WDR17: variants seen among roughly 807,000 people sequenced by gnomAD.
WDR17 encodes the protein WD repeat-containing protein 17.
Under a neutral mutation model 161.7 loss-of-function variants are expected in WDR17, and 143 were observed. The ratio of observed to expected loss-of-function variants is 0.88; its 90% CI spans 0.77 to 1.02. The LOEUF (loss-of-function observed/expected upper bound fraction) is 1.02. WDR17 is among the 50% of genes least tolerant of loss of function. The probability of loss-of-function intolerance (pLI) is 0.00; values close to 1 mark genes in which losing one functional copy is unlikely to be tolerated. For synonymous variants in WDR17, 517 were observed against 515.6 expected (o/e 1.00, Z -0.04); for missense variants, 1,469 against 1,520.9 (o/e 0.97, Z 0.57).
chr4:176,066,404 G>A (rs1732533461), intron 1 of WDR17, among the ~76,000 whole-genome samples: 1 of 152,176 alleles, frequency 6.6e-6, no homozygotes, highest in Admixed American at 6.5e-5. Flanking sequence ...TAGAGCCTAG[G>A]TTGCTGTTCT....
chr4:176,114,744 G>A (rs1190071837), intron 2 of WDR17, among the ~76,000 whole-genome samples: 2 of 151,810 alleles, frequency 1.3e-5, no homozygotes, highest in Non-Finnish European at 2.9e-5. Flanking sequence ...CATGGGATAG[G>A]TTCTGGGGCG....
chr4:176,082,276 G>A (rs1734845949), intron 1 of WDR17, among the ~76,000 whole-genome samples: 1 of 151,964 alleles, frequency 6.6e-6, no homozygotes, highest in African/African-American at 2.4e-5. Context: ...TCTGCTTGTT[G>A]TATTACTATA....
intron 1 of WDR17, among the ~76,000 whole-genome samples, chr4:176,097,235 T>G (rs138576833): frequency 7.9e-5 from 12 of 152,146 alleles, no homozygotes; most frequent in Non-Finnish European, 1.5e-4. Flanking sequence ...CTTTTTAAAT[T>G]TCTTGATTAT....
intron 1 of WDR17, among the ~76,000 whole-genome samples, chr4:176,079,510 T>A (rs2126585600): frequency 6.6e-6 from 1 of 152,244 alleles, no homozygotes; most frequent in East Asian, 1.9e-4. Flanking sequence ...AATTTACACA[T>A]AGTCTTTACT....
chr4:176,102,420 T>C (rs140827253), intron 1 of WDR17, among the ~76,000 whole-genome samples: 1 of 152,344 alleles, frequency 6.6e-6, no homozygotes, highest in Non-Finnish European at 1.5e-5. Flanking sequence ...ACAGATCTTA[T>C]GGAAGACAGT....
At chr4:176,161,023 G>A (rs766629488) in intron 20 of WDR17, 21 bp downstream of exon 20, 3 of 1,580,760 alleles carry the variant, frequency 1.9e-6, no homozygotes, top group South Asian at 2.4e-5. Context: ...TATTTGCTCT[G>A]GGTCCATATG....
intron 7 of WDR17, among the ~76,000 whole-genome samples, chr4:176,133,169 CA>C (rs1743761335): frequency 3.3e-5 from 4 of 120,496 alleles, no homozygotes; most frequent in African/African-American, 1.3e-4. Flanking sequence ...AAAAAAAAAA[CA>C]ATTTTTTATT....
chr4:176,153,433 A>G (rs1747557833), intron 17 of WDR17, among the ~76,000 whole-genome samples: 2 of 152,212 alleles, frequency 1.3e-5, no homozygotes, highest in Non-Finnish European at 2.9e-5. Context: ...GTAGATGGGT[A>G]GTGACTGCAA....
intron 6 of WDR17, among the ~76,000 whole-genome samples, chr4:176,130,303 A>AT (rs33958250): frequency 0.25 from 38,748 of 151,998 alleles, 5,071 homozygotes; most frequent in African/African-American, 0.3. Context: ...TATCAACGAA[A>AT]TTTAGTGAAC....
chr4:176,117,753 T>C (rs1046366379), intron 3 of WDR17, among the ~76,000 whole-genome samples: 7 of 152,164 alleles, frequency 4.6e-5, no homozygotes, highest in Non-Finnish European at 1.0e-4. Flanking sequence ...TTCCTTTCTT[T>C]GAAAATTTTC....
chr4:176,118,596 T>A (rs989574222), intron 3 of WDR17, among the ~76,000 whole-genome samples: 2 of 152,164 alleles, frequency 1.3e-5, no homozygotes, highest in Non-Finnish European at 2.9e-5. Flanking sequence ...CCACTCTGTG[T>A]CTTTGTTCAT....
At chr4:176,165,168 C>CAAA (rs199827209) in intron 22 of WDR17, among the ~76,000 whole-genome samples, 2 of 116,724 alleles carry the variant, frequency 1.7e-5, no homozygotes, top group East Asian at 2.4e-4. Flanking sequence ...CTCTAAAATA[C>CAAA]AAAAAAAAAA....
chr4:176,148,287 G>A lies in WDR17; in HGVS notation c.1849G>A (p.Glu617Lys). Residue 617 changes from glutamate (E) to lysine (K), a missense_variant, in exon 13 of 29, where the codon GAA (glutamate) becomes AAA (lysine). Transcript: ENST00000508596. ...DYTIKVWDTR[E>K]GTCVDTVYDH... Reference sequence around the variant, plus strand: ...TACTATAAAAGTATGGGACACTCGAGAAGGAACTTGTGTGGATACTGTGTA... The same window carrying A: ...TACTATAAAAGTATGGGACACTCGAAAAGGAACTTGTGTGGATACTGTGTA... The A allele has an allele frequency of 6.2e-7, 1 of 1,614,020 alleles. No individual in the cohort carries two copies. Among genetic ancestry groups the A allele is most frequent in the Non-Finnish European group, 8.5e-7 (1 of 1,179,938 alleles).
At position 176,083,732 on chromosome 4, in the gene WDR17, T is replaced by C. The variant is rs1219346733; in HGVS notation, c.-7+17653T>C. On this transcript the variant is annotated intron_variant, in intron 1 of 28. Transcript: ENST00000508596. ...TGCTGGTCATGGGGTATGTATTTGT[T>C]CGGCGTTAGAGGATTCGGCCAATGA... Among the ~76,000 whole-genome samples the C allele has an allele frequency of 1.8e-4, 27 of 152,154 alleles. 1 individual carries two copies. Among genetic ancestry groups the C allele is most frequent in the Admixed American group, 1.8e-3 (27 of 15,252 alleles).
chr4:176,072,588 G>A (rs896362937), intron 1 of WDR17, among the ~76,000 whole-genome samples: 1 of 152,154 alleles, frequency 6.6e-6, no homozygotes, highest in Non-Finnish European at 1.5e-5. Flanking sequence ...GATACAAGAA[G>A]AGCTCAAGTT....
intron 2 of WDR17, among the ~76,000 whole-genome samples, chr4:176,114,522 T>C (rs563460107): frequency 1.3e-5 from 2 of 152,248 alleles, no homozygotes; most frequent in Admixed American, 1.3e-4. Flanking sequence ...GTGTTTATTC[T>C]TTCAATATTA....
chr4:176,111,591 T>A lies in WDR17; in HGVS notation c.11T>A (p.Val4Glu). 6.2e-7 allele frequency: 1 copy of A among 1,605,796 alleles called. No individual in the cohort carries two copies. Among genetic ancestry groups the A allele is most frequent in the Non-Finnish European group, 8.5e-7 (1 of 1,176,290 alleles). The change falls in exon 2 of 29, where the codon GTA becomes GAA. Residue 4 changes from valine to glutamate, a missense_variant. Coordinates refer to ENST00000508596, the MANE Select transcript of WDR17 (RefSeq NM_181265.4). ...TTTTTCAAGGCAAACATGTCCCAGG[T>A]AAGGCAAGTGGGATTGCTGGCTGCT... MSQVRQVGLLAAGC... is the reference protein window; with the variant it reads MSQERQVGLLAAGC...
At chr4:176,080,169 TAGG>T (rs1734556993) in intron 1 of WDR17, among the ~76,000 whole-genome samples, 3 of 151,524 alleles carry the variant, frequency 2.0e-5, no homozygotes, top group Non-Finnish European at 4.4e-5. Context: ...AAAAAACAAG[TAGG>T]AGCATATTTT....
chr4:176,150,095 A>G lies in WDR17; in HGVS notation c.2100A>G (p.Arg700=), dbSNP rs776534918. 2.5e-6 allele frequency: 4 copies of G among 1,614,096 alleles called. No individual in the cohort carries two copies. The South Asian group carries it at 4.4e-5, about 18-fold the overall frequency. ...TPPLLCGKVS[R]DIRQEIEKLT... ...CTCTACTGTGTGGTAAAGTGTCAAG[A>G]GATATTAGACAGGAAATAGAAAAAC... Residue 700 remains arginine, a synonymous_variant, in exon 15 of 29, where the codon AGA becomes AGG. Coordinates refer to ENST00000508596, the MANE Select transcript of WDR17 (RefSeq NM_181265.4).
Sources: allele counts gnomAD v4.1 joint callset (sites outside exome capture counted in the v4.1 genomes callset), GRCh38; gene constraint gnomAD v4.1.1; transcripts MANE v1.5; gene names NCBI Gene and HGNC (gene_info 2026-07-23, HGNC 2026-07-21).